The following WASHC2C variants were observed in gnomAD, a reference collection of about 807,000 sequenced individuals.
WASHC2C encodes the protein WASH complex subunit 2C.
A neutral mutation model predicts 142.2 loss-of-function variants in WASHC2C; 73 were observed. That is an observed-to-expected ratio of 0.51 (90% CI 0.43 to 0.62). The LOEUF (loss-of-function observed/expected upper bound fraction) is 0.62. Ranked by LOEUF, WASHC2C falls within the 20% of genes least tolerant of loss-of-function variation. The pLI is 0.00. For synonymous variants in WASHC2C, 337 were observed against 565.5 expected (o/e 0.60, Z 5.73); for missense variants, 969 against 1,531.7 (o/e 0.63, Z 6.13).
intron 7 of WASHC2C, 119 bp from the exon 8 acceptor site, chr10:45,746,481 T>C (rs2052847746): frequency 1.7e-6 from 2 of 1,199,498 alleles, no homozygotes; most frequent in African/African-American, 3.0e-5. Flanking sequence ...AGACTGAGTG[T>C]CAGAGCTTTT....
chr10:45,731,541 C>T (rs1264353024), intron 3 of WASHC2C, among the ~76,000 whole-genome samples: 5 of 147,754 alleles, frequency 3.4e-5, no homozygotes, highest in Admixed American at 2.0e-4. Context: ...GGATTACAGG[C>T]GCGAGCCACT....
At chr10:45,741,384 A>G (rs1483081290) in intron 5 of WASHC2C, among the ~76,000 whole-genome samples, 1 of 152,134 alleles carries the variant, frequency 6.6e-6, no homozygotes, top group Admixed American at 6.5e-5. Flanking sequence ...TATGCCTTTA[A>G]AAGTCAGCAG....
intron 16 of WASHC2C, 81 bp downstream of exon 16, chr10:45,757,220 T>C: frequency 6.2e-7 from 1 of 1,600,676 alleles, no homozygotes; most frequent in Non-Finnish European, 8.5e-7. Context: ...AGGGAAGTAC[T>C]GTTCCCTTTC....
At chr10:45,777,511 C>T in intron 22 of WASHC2C, 86 bp downstream of exon 22, 1 of 1,605,818 alleles carries the variant, frequency 6.2e-7, no homozygotes, top group Admixed American at 1.7e-5. Context: ...TTTTTGACCA[C>T]AGAAAATAAA....
At chr10:45,786,826 G>A (rs1424133373) in intron 27 of WASHC2C, 152 bp downstream of exon 27, 69 of 1,524,002 alleles carry the variant, frequency 4.5e-5, no homozygotes, top group South Asian at 7.0e-5. Context: ...TGTGTGCTGC[G>A]TCTTTAACAT....
At chr10:45,758,531 C>T (rs1321499936) in intron 16 of WASHC2C, among the ~76,000 whole-genome samples, 7 of 151,854 alleles carry the variant, frequency 4.6e-5, no homozygotes, top group African/African-American at 9.7e-5. Context: ...CCTCCTTCCC[C>T]GATTTTTAGT....
intron 20 of WASHC2C, 101 bp downstream of exon 20, chr10:45,769,719 A>T (rs534293796): frequency 5.3e-6 from 8 of 1,502,844 alleles, no homozygotes; most frequent in Non-Finnish European, 7.3e-6. Context: ...CTAATCATGG[A>T]TCACATAGTG....
chr10:45,790,254 A>C, intron 29 of WASHC2C, 102 bp from the exon 30 acceptor site: 1 of 1,585,496 alleles, frequency 6.3e-7, no homozygotes, highest in Non-Finnish European at 8.6e-7. Flanking sequence ...AGGCCGTTCC[A>C]CACACCCTGG....
At chr10:45,759,468 T>A (rs2054800979) in intron 17 of WASHC2C, 67 bp downstream of exon 17, 5 of 1,264,460 alleles carry the variant, frequency 4.0e-6, no homozygotes, top group Non-Finnish European at 5.6e-6. Flanking sequence ...TATTTTTGAA[T>A]CAGGTTTTTC....
rs1469115711 is a variant in WASHC2C, at chr10:45,777,473, TG to T, written c.2295+49del. 7.4e-6 allele frequency: 12 copies of T among 1,612,696 alleles called. 1 individual carries two copies. The highest frequency in any genetic ancestry group is 1.0e-5 in the Non-Finnish European group (12 of 1,179,510). On this transcript the variant is annotated intron_variant, in intron 22 of 30. Transcript: ENST00000623400. ...TTGAATGCATTTGTCTCTCGTATGT[TG>T]TTTCAAACACACCCAACCCCTTAAG...
rs2058445621 is a variant in WASHC2C, at chr10:45,792,528, A to C, written c.*128A>C. 1 of 1,412,254 alleles carries C rather than the reference A, an allele frequency of 7.1e-7. No individual in the cohort carries two copies. The highest frequency in any genetic ancestry group is 1.4e-5 in the African/African-American group (1 of 69,612). 87.5% of individuals were successfully genotyped at this position (1,412,254 alleles called of 1,614,324 possible). On this transcript the variant is annotated 3_prime_UTR_variant, in exon 31 of 31. Coordinates refer to ENST00000623400, the MANE Select transcript of WASHC2C (RefSeq NM_001330074.2). ...AGAACAGCTAGCTCATCTTTTACCC[A>C]ATGTACTTAGTATTTTTCTGCACTG...
intron 10 of WASHC2C, 105 bp downstream of exon 10, chr10:45,750,943 T>C (rs2053510907): frequency 6.0e-6 from 5 of 826,902 alleles, no homozygotes; most frequent in Non-Finnish European, 7.6e-6. Flanking sequence ...TTACTACATA[T>C]ATTTATTAGT....
intron 22 of WASHC2C, among the ~76,000 whole-genome samples, chr10:45,778,538 AT>A (rs2057256435): frequency 1.0e-5 from 1 of 98,010 alleles, no homozygotes; most frequent in South Asian, 4.3e-4. Context: ...TCCTGATTAG[AT>A]TTCCCCCTTG....
intron 19 of WASHC2C, among the ~76,000 whole-genome samples, chr10:45,766,558 T>C (rs1278802278): frequency 2.1e-5 from 3 of 145,796 alleles, no homozygotes; most frequent in African/African-American, 7.7e-5. Context: ...ATGTCCCGTA[T>C]ACCCCAATGG....
chr10:45,764,023 G>T (rs1195460547), intron 18 of WASHC2C, among the ~76,000 whole-genome samples: 6 of 151,968 alleles, frequency 3.9e-5, no homozygotes, highest in Non-Finnish European at 8.8e-5. Context: ...TTCTTATGGA[G>T]TGAAATCTAC....
intron 8 of WASHC2C, among the ~76,000 whole-genome samples, chr10:45,747,239 C>T (rs1395324784): frequency 6.6e-6 from 1 of 152,046 alleles, no homozygotes; most frequent in Non-Finnish European, 1.5e-5. Flanking sequence ...CTCCTGGGTT[C>T]AAATAATTCT....
At position 45,789,459 on chromosome 10, in the gene WASHC2C, G is replaced by A; in HGVS notation, c.3676G>A (p.Asp1226Asn). 1 of 1,612,032 alleles carries A rather than the reference G, an allele frequency of 6.2e-7. No individual in the cohort carries two copies. The highest frequency in any genetic ancestry group is 1.3e-5 in the African/African-American group (1 of 74,982). Reference sequence around the variant, plus strand: ...TGAGACAAAATCCAGTAGTCAGCAGGATGTCATATTAACAACACAAGATAT... The same window carrying A: ...TGAGACAAAATCCAGTAGTCAGCAGAATGTCATATTAACAACACAAGATAT... ...KNETKSSSQQ[D>N]VILTTQDIFE... The change falls in exon 29 of 31, where the codon GAT (aspartate) becomes AAT (asparagine). Residue 1226 changes from aspartate (D) to asparagine (N), a missense_variant. Asp to Asn is a conservative substitution (Grantham distance 23). Transcript: ENST00000623400.
chr10:45,789,369 A>G lies in WASHC2C; in HGVS notation c.3586A>G (p.Thr1196Ala). Reference sequence around the variant, plus strand: ...TGCTAAACCAAAACCAGCAAAGAAAACAAATCCCTTTCCTCTCCTGGAAGA... The same window carrying G: ...TGCTAAACCAAAACCAGCAAAGAAAGCAAATCCCTTTCCTCTCCTGGAAGA... ...QSAKPKPAKK[T>A]NPFPLLEDED... Residue 1196 changes from threonine to alanine, a missense_variant, in exon 29 of 31, where the codon ACA (threonine) becomes GCA (alanine). Thr to Ala is a moderately conservative substitution (Grantham distance 58, BLOSUM62 0). Transcript: ENST00000623400. 4 of 1,612,044 alleles carry G rather than the reference A, an allele frequency of 2.5e-6. No homozygotes were observed. Among genetic ancestry groups the G allele is most frequent in the Non-Finnish European group, 3.4e-6 (4 of 1,179,866 alleles).
rs782615188 is a variant in WASHC2C, at chr10:45,738,034, A to T, written c.343A>T (p.Lys115Ter). The T allele has an allele frequency of 6.2e-7, 1 of 1,611,786 alleles. No individual in the cohort carries two copies. The highest frequency in any genetic ancestry group is 8.5e-7 in the Non-Finnish European group (1 of 1,179,854). ...EEPVLKAEAE[K>*]TEQEKTREQK... ...GCCAGTACTCAAGGCTGAGGCAGAA[A>T]AAACAGAGCAGGTACTTGTATAAAA... Residue 115 changes from lysine to a stop codon, truncating the protein, a stop_gained, in exon 4 of 31, where the codon AAA becomes TAA. Coordinates refer to ENST00000623400, the MANE Select transcript of WASHC2C (RefSeq NM_001330074.2). LOFTEE classifies it high-confidence loss of function.
Sources: allele counts gnomAD v4.1 joint callset (sites outside exome capture counted in the v4.1 genomes callset), GRCh38; gene constraint gnomAD v4.1.1; transcripts MANE v1.5; gene names NCBI Gene and HGNC (gene_info 2026-07-23, HGNC 2026-07-21).